GREP1: variants seen among roughly 807,000 people sequenced by gnomAD.
GREP1 encodes glycine rich extracellular protein 1, also known as glycine-rich extracellular protein 1.
chr16:2,992,813 G>A lies in GREP1; in HGVS notation c.331G>A (p.Ala111Thr), dbSNP rs181710774. 3.5e-5 allele frequency: 14 copies of A among 399,112 alleles called. No homozygotes were observed. Among genetic ancestry groups the A allele is most frequent in the African/African-American group, 1.0e-4 (5 of 48,758 alleles). 24.7% of individuals were successfully genotyped at this position (399,112 alleles called of 1,614,324 possible). ...TGTCTGCCCTCAAACAGGTCCTGCCGCTCAAAATGGCTTTGGACCAGGTAA... is the reference window on the plus strand; with the variant it reads ...TGTCTGCCCTCAAACAGGTCCTGCCACTCAAAATGGCTTTGGACCAGGTAA... Residue 111 changes from alanine (A) to threonine (T), a missense_variant, in exon 9 of 35, where the codon GCT becomes ACT. Physicochemically the swap from Ala to Thr is moderately conservative, Grantham distance 58 (BLOSUM62 0). Coordinates refer to ENST00000573315, the Ensembl canonical transcript of GREP1. The surrounding 1 kb of genome is among the most constrained non-coding windows in gnomAD (Gnocchi z 4.9).
intron 23 of GREP1, 69 bp from the exon 22 acceptor site, chr16:2,998,287 G>A (rs950251779): frequency 1.8e-5 from 7 of 398,874 alleles, no homozygotes; most frequent in Middle Eastern, 6.2e-4. Flanking sequence ...ATCAGCAGGG[G>A]AGAGAGGGGT....
chr16:2,999,803 G>A (rs2072449571), intron 27 of GREP1, 99 bp from the exon 25 acceptor site: 1 of 398,592 alleles, frequency 2.5e-6, no homozygotes, highest in Admixed American at 4.4e-5. Context: ...GACAGGAAAA[G>A]TCTCTGCTTC....
At position 2,989,604 on chromosome 16, in the gene GREP1, G is replaced by C. The variant is rs150029486; in HGVS notation, c.130+52G>C. 5.7e-4 allele frequency: 229 copies of C among 400,816 alleles called. 1 individual carries two copies. Among genetic ancestry groups the C allele is most frequent in the African/African-American group, 2.1e-3 (104 of 48,688 alleles). The allele number at this position is 400,816 out of a possible 1,614,324, so 24.8% of individuals were successfully genotyped here. On this transcript the variant is annotated intron_variant, in intron 3 of 34. Transcript: ENST00000573315. The surrounding 1 kb of genome is among the most constrained non-coding windows in gnomAD (Gnocchi z 4.2). ...CGTCTGAGGGCAGGGCACGGGGCAG[G>C]GGGGAGGCAGGACAGGAACAGGGAA...
chr16:2,996,463 G>A (rs1021520891), intron 18 of GREP1, 33 bp from the exon 18 acceptor site: 67 of 398,798 alleles, frequency 1.7e-4, no homozygotes, highest in Admixed American at 1.3e-4. Flanking sequence ...TCCGAATGCC[G>A]CCGTCTCACA....
chr16:2,990,464 G>A (rs2072392838), exon 6 of GREP1: 1 of 399,208 alleles, frequency 2.5e-6, no homozygotes, highest in Admixed American at 4.4e-5. Context: ...GACACTGAAG[G>A]GGGCATGAAA....
At chr16:3,000,670 G>A (rs1191235675) in intron 32 of GREP1, 44 bp from the exon 27 acceptor site, 6 of 398,776 alleles carry the variant, frequency 1.5e-5, no homozygotes, top group Non-Finnish European at 1.8e-5. Flanking sequence ...AGGGGTCCCA[G>A]CTCCTGTGGG....
At chr16:2,999,776 T>C (rs371723499) in intron 27 of GREP1, 126 bp from the exon 25 acceptor site, 2 of 398,096 alleles carry the variant, frequency 5.0e-6, no homozygotes, top group South Asian at 1.3e-4. Context: ...AGATTTCTTC[T>C]GGTTCCATTC....
exon 30 of GREP1, chr16:3,000,304 G>A (rs1351178864): frequency 7.5e-6 from 3 of 399,186 alleles, no homozygotes; most frequent in Non-Finnish European, 1.3e-5. Context: ...TTAGGTTATG[G>A]GAATGGTGTC....
exon 30 of GREP1, chr16:3,000,317 G>A (rs2072453429): frequency 2.5e-6 from 1 of 399,270 alleles, no homozygotes; most frequent in Non-Finnish European, 4.4e-6. Context: ...ATGGTGTCCT[G>A]GGAGCCAGGG....
chr16:2,989,106 AGAG>A lies in GREP1; in HGVS notation c.101-410_101-408del, dbSNP rs924684990. 1.6e-5 allele frequency: 4 copies of A among 244,708 alleles called. No homozygotes were observed. Among genetic ancestry groups the A allele is most frequent in the South Asian group, 1.8e-4 (1 of 5,658 alleles). The allele number at this position is 244,708 out of a possible 1,614,324, so 15.2% of individuals were successfully genotyped here. A position where few individuals can be genotyped will look rare whatever the true frequency, so the allele number is the denominator to read the frequency against. ...ATGGGGGGCAGAGGTGGTGAGAAGAAGAGGAGGAGATTTCCATGAAGGGAGAGG... is the reference window on the plus strand; with the variant it reads ...ATGGGGGGCAGAGGTGGTGAGAAGAAGAGGAGATTTCCATGAAGGGAGAGG... On this transcript the variant is annotated intron_variant, in intron 2 of 34. Coordinates refer to ENST00000573315, the Ensembl canonical transcript of GREP1. The surrounding 1 kb of genome is among the most constrained non-coding windows in gnomAD (Gnocchi z 4.2).
At position 2,995,749 on chromosome 16, in the gene GREP1, G is replaced by A. The variant is rs915307089; in HGVS notation, c.600G>A (p.Gly200=). 4.0e-4 allele frequency: 161 copies of A among 398,734 alleles called. 1 individual carries two copies. The East Asian group carries it at 5.7e-3, about 14-fold the overall frequency. The allele number at this position is 398,734 out of a possible 1,614,324, so 24.7% of individuals were successfully genotyped here. ...CTATATCTCCTCCAGGCCTTGGAGG[G>A]AATGTGAAGCCTCTGAAGCCAGGTG... The change falls in exon 17 of 35, where the codon GGG becomes GGA. Residue 200 remains glycine, a synonymous_variant. Coordinates refer to ENST00000573315, the Ensembl canonical transcript of GREP1.
chr16:3,001,538 A>G, intron 34 of GREP1, 23 bp from the exon 29 acceptor site: 1 of 399,110 alleles, frequency 2.5e-6, no homozygotes, highest in Non-Finnish European at 4.4e-6. Flanking sequence ...GCCCCTCCCT[A>G]GCCCAGCTCT....
chr16:2,999,913 C>T (rs1017387199), exon 28 of GREP1: 29 of 398,990 alleles, frequency 7.3e-5, no homozygotes, highest in African/African-American at 5.6e-4. Context: ...GCACCAGCCT[C>T]CAAATGGCTA....
chr16:2,990,796 G>A (rs1034986400), intron 7 of GREP1, among the ~76,000 whole-genome samples: 6 of 152,138 alleles, frequency 3.9e-5, no homozygotes, highest in Non-Finnish European at 8.8e-5. Context: ...GCTTGGTAAG[G>A]GGACAGGGGC....
Position 2,991,338 on chromosome 16 carries a change from C to T in GREP1, c.322+237C>T. 2.6e-6 allele frequency: 1 copy of T among 380,552 alleles called. No individual in the cohort carries two copies. The highest frequency in any genetic ancestry group is 4.6e-6 in the Non-Finnish European group (1 of 215,318). The allele number at this position is 380,552 out of a possible 1,614,324, so 23.6% of individuals were successfully genotyped here. On this transcript the variant is annotated intron_variant, in intron 8 of 34. Coordinates refer to ENST00000573315, the Ensembl canonical transcript of GREP1. This position sits in a 1 kb window ranked among gnomAD's most constrained non-coding sequence, Gnocchi z 4.9. Reference sequence around the variant, plus strand: ...GGCGCCTCTGGGTCCCTCAAGCCTGCCCACCCCACCGCTCATGGCCCTCAC... The same window carrying T: ...GGCGCCTCTGGGTCCCTCAAGCCTGTCCACCCCACCGCTCATGGCCCTCAC...
intron 23 of GREP1, 83 bp downstream of exon 21, chr16:2,997,918 G>C (rs2072434924): frequency 2.5e-6 from 1 of 398,374 alleles, no homozygotes. Context: ...GCTGTACCCT[G>C]TCTCCCCATG....
At chr16:2,998,523 G>A (rs1161875522) in exon 25 of GREP1, 2 of 399,072 alleles carry the variant, frequency 5.0e-6, no homozygotes, top group East Asian at 7.1e-5. Context: ...GCCCTGGCCA[G>A]GTGAGGCCAC....
intron 18 of GREP1, among the ~76,000 whole-genome samples, 185 bp from the exon 18 acceptor site, chr16:2,996,311 C>G (rs2072424604): frequency 6.6e-6 from 1 of 152,102 alleles, no homozygotes; most frequent in South Asian, 2.1e-4. Context: ...GGGTCTGAAT[C>G]CTGGGGAATT....
At chr16:2,997,331 C>T in intron 21 of GREP1, 3 of 398,622 alleles carry the variant, frequency 7.5e-6, no homozygotes. Context: ...TCCAAAGGCC[C>T]TTCGCCCTCT....
Sources: allele counts gnomAD v4.1 joint callset (sites outside exome capture counted in the v4.1 genomes callset), GRCh38; gene constraint gnomAD v4.1.1; non-coding constraint Gnocchi (gnomAD v3.1); transcripts MANE v1.5; gene names NCBI Gene and HGNC (gene_info 2026-07-23, HGNC 2026-07-21).